The following FNBP1L variants were observed in gnomAD, a reference collection of about 807,000 sequenced individuals.
FNBP1L encodes the protein formin binding protein 1 like.
In FNBP1L, 36 loss-of-function variants were observed where a neutral mutation model predicts 91.2. The ratio of observed to expected loss-of-function variants is 0.39; its 90% confidence interval spans 0.30 to 0.52. The LOEUF (loss-of-function observed/expected upper bound fraction) is 0.52. FNBP1L is among the 20% of genes least tolerant of loss of function. FNBP1L has a pLI of 0.66. For missense variants in FNBP1L, 571 were observed against 732.1 expected, an observed-to-expected ratio of 0.78 and a Z score of 2.54; for synonymous variants, 242 against 237.0, an observed-to-expected ratio of 1.02 and a Z score of -0.19.
intron 1 of FNBP1L, among the ~76,000 whole-genome samples, chr1:93,464,087 G>A (rs952657793): frequency 2.0e-5 from 3 of 152,168 alleles, no homozygotes; most frequent in African/African-American, 7.2e-5. Flanking sequence ...AATAAATGGT[G>A]TTGGCAAGGA....
At chr1:93,460,859 A>T (rs565595508) in intron 1 of FNBP1L, among the ~76,000 whole-genome samples, 1 of 152,362 alleles carries the variant, frequency 6.6e-6, no homozygotes, top group East Asian at 1.9e-4. Flanking sequence ...TCTATTGTAC[A>T]TCATGCTGAC....
chr1:93,454,382 A>G (rs963444088), intron 1 of FNBP1L, among the ~76,000 whole-genome samples: 2 of 151,862 alleles, frequency 1.3e-5, no homozygotes, highest in Non-Finnish European at 2.9e-5. Flanking sequence ...ATATAATCAA[A>G]CCACTTTTCA....
At chr1:93,452,243 A>G (rs932314701) in intron 1 of FNBP1L, among the ~76,000 whole-genome samples, 1 of 152,184 alleles carries the variant, frequency 6.6e-6, no homozygotes, top group Non-Finnish European at 1.5e-5. Context: ...TTAATAGTTG[A>G]TTGCATTACC....
At chr1:93,491,771 T>C (rs2101717844) in intron 1 of FNBP1L, among the ~76,000 whole-genome samples, 1 of 152,328 alleles carries the variant, frequency 6.6e-6, no homozygotes, top group Admixed American at 6.5e-5. Flanking sequence ...AGTACAACCT[T>C]AAATATACTT....
chr1:93,520,741 C>T (rs1671293041), intron 2 of FNBP1L, among the ~76,000 whole-genome samples: 1 of 152,074 alleles, frequency 6.6e-6, no homozygotes, highest in South Asian at 2.1e-4. Context: ...TCCAAGGTCA[C>T]ATAGGTACTA....
chr1:93,525,669 T>C lies in FNBP1L; in HGVS notation c.405+1346T>C, dbSNP rs561019781. On this transcript the variant is annotated intron_variant, in intron 5 of 16. Coordinates refer to ENST00000271234, the MANE Select transcript of FNBP1L (RefSeq NM_001164473.3). ...AGGTGCCAACTTGCCTTTAGAACAA[T>C]TGACCGTTGTTAAGCAAAAGTTTTA... Among the ~76,000 whole-genome samples, 3 of 152,232 alleles carry C rather than the reference T, an allele frequency of 2.0e-5. No homozygotes were observed. In the East Asian group the frequency reaches 5.8e-4, roughly 29 times the overall value.
chr1:93,529,811 A>G, intron 6 of FNBP1L, 55 bp downstream of exon 6: 1 of 1,061,030 alleles, frequency 9.4e-7, no homozygotes. Context: ...TTGCATAAGG[A>G]AAGTAGTCAC....
rs553310734 is a variant in FNBP1L at position 93,528,235 on chromosome 1, C to T, written c.406-1417C>T. On this transcript the variant is annotated intron_variant, in intron 5 of 16. Coordinates refer to ENST00000271234, the MANE Select transcript of FNBP1L (RefSeq NM_001164473.3). Reference sequence around the variant, plus strand: ...AGATGGAAAGGATATCCCATGTGCTCAGCACAGTGGGTCCACATCTCTTGA... The same window carrying T: ...AGATGGAAAGGATATCCCATGTGCTTAGCACAGTGGGTCCACATCTCTTGA... Among the ~76,000 whole-genome samples the T allele has an allele frequency of 1.7e-3, 263 of 152,244 alleles. 5 individuals carry two copies. Among genetic ancestry groups the T allele is most frequent in the Non-Finnish European group, 2.9e-4 (20 of 67,994 alleles).
At chr1:93,536,645 C>T (rs1483473029) in intron 10 of FNBP1L, among the ~76,000 whole-genome samples, 155 bp downstream of exon 10, 2 of 152,062 alleles carry the variant, frequency 1.3e-5, no homozygotes, top group African/African-American at 4.8e-5. Flanking sequence ...TTAAAAACAA[C>T]TCCTCTTTAT....
At chr1:93,551,326 G>A (rs1430909918) in intron 16 of FNBP1L, 5 of 1,217,368 alleles carry the variant, frequency 4.1e-6, no homozygotes, top group Non-Finnish European at 5.1e-6. Context: ...AGTAACGTTG[G>A]TGTGAAGCTT....
At chr1:93,546,006 T>C (rs1433102517) in intron 12 of FNBP1L, among the ~76,000 whole-genome samples, 1 of 152,084 alleles carries the variant, frequency 6.6e-6, no homozygotes, top group Non-Finnish European at 1.5e-5. Flanking sequence ...AATCTAGAAT[T>C]CAGGAGAGAG....
chr1:93,492,230 T>C (rs1292369715), intron 1 of FNBP1L, among the ~76,000 whole-genome samples: 1 of 152,144 alleles, frequency 6.6e-6, no homozygotes, highest in Non-Finnish European at 1.5e-5. Context: ...TGAAAGAGCT[T>C]GAAAAGTGAT....
At chr1:93,543,160 T>C (rs1271288539) in intron 11 of FNBP1L, among the ~76,000 whole-genome samples, 1 of 152,198 alleles carries the variant, frequency 6.6e-6, no homozygotes, top group Non-Finnish European at 1.5e-5. Context: ...TTCTGGAGTA[T>C]ATATAAAGAT....
chr1:93,516,962 A>G (rs1272169175), intron 2 of FNBP1L, among the ~76,000 whole-genome samples: 1 of 152,064 alleles, frequency 6.6e-6, no homozygotes, highest in East Asian at 1.9e-4. Context: ...TTTGATGATA[A>G]TAGACTGTTT....
chr1:93,532,827 A>G (rs1217383245), intron 7 of FNBP1L, 95 bp from the exon 8 acceptor site: 5 of 903,296 alleles, frequency 5.5e-6, no homozygotes, highest in Admixed American at 2.8e-5. Flanking sequence ...TGAGGGTAGA[A>G]ATATTTAATT....
At chr1:93,509,250 C>T (rs985175632) in intron 2 of FNBP1L, among the ~76,000 whole-genome samples, 6 of 152,130 alleles carry the variant, frequency 3.9e-5, no homozygotes, top group Non-Finnish European at 7.4e-5. Flanking sequence ...TTCAGACAGT[C>T]CATGTGGTAA....
chr1:93,535,606 T>G (rs1049917447), intron 9 of FNBP1L, among the ~76,000 whole-genome samples: 3 of 152,122 alleles, frequency 2.0e-5, no homozygotes, highest in Non-Finnish European at 4.4e-5. Flanking sequence ...CTTGATTATT[T>G]TAATTCATTT....
At chr1:93,459,949 G>GTA (rs1427142985) in intron 1 of FNBP1L, among the ~76,000 whole-genome samples, 1 of 138,948 alleles carries the variant, frequency 7.2e-6, no homozygotes, top group Non-Finnish European at 1.5e-5. Context: ...AGATGTGTGT[G>GTA]TGTGTGTGTG....
intron 1 of FNBP1L, among the ~76,000 whole-genome samples, chr1:93,497,782 G>A (rs563400976): frequency 2.0e-5 from 3 of 152,102 alleles, no homozygotes; most frequent in African/African-American, 7.2e-5. Context: ...ACCACGCCTG[G>A]CCAATTTTTG....
Sources: allele counts gnomAD v4.1 joint callset (sites outside exome capture counted in the v4.1 genomes callset), GRCh38; gene constraint gnomAD v4.1.1; transcripts MANE v1.5; gene names NCBI Gene and HGNC (gene_info 2026-07-23, HGNC 2026-07-21).